Variants in DDX60L observed in about 807,000 individuals in gnomAD.
The protein encoded by DDX60L is DExD/H-box 60 like.
Under a neutral mutation model 211.6 loss-of-function variants are expected in DDX60L, and 191 were observed. That is an observed-to-expected ratio of 0.90 (90% CI 0.80 to 1.02). The LOEUF (loss-of-function observed/expected upper bound fraction) is 1.02. Ranked by LOEUF, DDX60L falls within the 50% of genes least tolerant of loss-of-function variation. The pLI, the probability that DDX60L is intolerant of heterozygous loss-of-function variation, is 0.00. For synonymous variants in DDX60L, 706 were observed against 694.1 expected (o/e 1.02, Z -0.27); for missense variants, 2,007 against 1,984.1 (o/e 1.01, Z -0.22).
intron 10 of DDX60L, among the ~76,000 whole-genome samples, chr4:168,438,497 AG>A (rs778550172): frequency 2.6e-5 from 4 of 152,224 alleles, no homozygotes; most frequent in Non-Finnish European, 5.9e-5. Context: ...CACCCATATT[AG>A]CTAAGAATAA....
Position 168,405,991 on chromosome 4 carries a change from C to A in DDX60L, c.3172G>T (p.Ala1058Ser), listed in dbSNP as rs751448527. Residue 1058 changes from alanine (A) to serine (S), a missense_variant, in exon 24 of 38, where the codon GCA (alanine) becomes TCA (serine). Physicochemically the swap from Ala to Ser is moderately conservative, Grantham distance 99. Transcript: ENST00000682922. ...DARKYEENLK[A>S]ELTNWIKNGQ... Reference sequence around the variant, plus strand: ...TTTTTAATCCAATTTGTCAATTCTGCCTTTAAGTTTTCTTCATATTTTCTA... The same window carrying A: ...TTTTTAATCCAATTTGTCAATTCTGACTTTAAGTTTTCTTCATATTTTCTA... 2 of 1,596,326 alleles carry A rather than the reference C, an allele frequency of 1.3e-6. No homozygotes were observed. The highest frequency in any genetic ancestry group is 2.7e-5 in the African/African-American group (2 of 74,360).
chr4:168,397,017 T>TTCGTCTTCGG (rs1178819529), intron 26 of DDX60L, among the ~76,000 whole-genome samples: 5 of 152,160 alleles, frequency 3.3e-5, no homozygotes, highest in African/African-American at 1.2e-4. Flanking sequence ...AGACAGAGTT[T>TTCGTCTTCGG]TCATGAATGG....
chr4:168,382,070 A>T (rs908638989), intron 30 of DDX60L, among the ~76,000 whole-genome samples: 1 of 152,176 alleles, frequency 6.6e-6, no homozygotes, highest in Non-Finnish European at 1.5e-5. Flanking sequence ...GGCAAGTGGA[A>T]TCTGACGTAA....
intron 17 of DDX60L, among the ~76,000 whole-genome samples, chr4:168,420,802 G>A (rs963302250): frequency 6.6e-6 from 1 of 152,090 alleles, no homozygotes; most frequent in African/African-American, 2.4e-5. Flanking sequence ...TGCTCTGCCT[G>A]GGATCCTCCT....
In DDX60L at chr4:168,424,311, C is replaced by T. The variant is rs145422467; in HGVS notation, c.1931-537G>A. Among the ~76,000 whole-genome samples the T allele has an allele frequency of 1.1e-3, 169 of 152,286 alleles. 6 individuals carry two copies. In the East Asian group the frequency reaches 0.031, roughly 28 times the overall value. ...CCTCACTGCATCCCAATCATTCTAT[C>T]CAGACTCTCCTAAGCCCTTCTATTA... is the stretch of plus-strand genomic sequence containing the variant. On this transcript the variant is annotated intron_variant, in intron 14 of 37. Transcript: ENST00000682922.
chr4:168,450,632 TTGGCTAGGTACCA>T (rs1333001556), intron 8 of DDX60L, among the ~76,000 whole-genome samples: 1 of 152,204 alleles, frequency 6.6e-6, no homozygotes, highest in Non-Finnish European at 1.5e-5. Context: ...ATAATTAGCC[TTGGCTAGGTACCA>T]TGGCTTATGC....
chr4:168,359,652 T>C (rs1237345220), intron 37 of DDX60L, among the ~76,000 whole-genome samples: 1 of 152,226 alleles, frequency 6.6e-6, no homozygotes, highest in Non-Finnish European at 1.5e-5. Flanking sequence ...CTCTAAAACA[T>C]AGATCTATGT....
intron 8 of DDX60L, among the ~76,000 whole-genome samples, chr4:168,450,201 T>C (rs1356133287): frequency 1.3e-5 from 2 of 152,106 alleles, no homozygotes; most frequent in African/African-American, 4.8e-5. Context: ...CCTAAGCCAG[T>C]ACTTGAGATA....
Position 168,421,819 on chromosome 4 carries a change from T to C in DDX60L, c.2335A>G (p.Met779Val). The change falls in exon 17 of 38, where the codon ATG becomes GTG. Residue 779 changes from methionine (M) to valine (V), a missense_variant. Transcript: ENST00000682922. ...TCGCTCTCCCTCAGCACTTTCTCCA[T>C]GCAGTAGTAGGAAGCATAGGTTTTG... is the stretch of plus-strand genomic sequence containing the variant. The part of the protein sequence containing the change: ...SGKTYASYYC[M>V]EKVLRESDVG... 1 of 1,614,210 alleles carries C rather than the reference T, an allele frequency of 6.2e-7. No individual in the cohort carries two copies. Among genetic ancestry groups the C allele is most frequent in the Non-Finnish European group, 8.5e-7 (1 of 1,180,038 alleles).
rs769937004 is a variant in DDX60L, at chr4:168,384,802, C to T, written c.3926G>A (p.Arg1309His). The part of the protein sequence containing the change: ...DALNYRQMSG[R>H]AGRRGQDLLG... Reference sequence around the variant, plus strand: ...CAGGTCTTGACCTCTTCTTCCAGCACGACCAGACATCTGGAAGCAGCAAAG... The same window carrying T: ...CAGGTCTTGACCTCTTCTTCCAGCATGACCAGACATCTGGAAGCAGCAAAG... The change falls in exon 30 of 38, where the codon CGT becomes CAT. Residue 1309 changes from arginine to histidine, a missense_variant. Transcript: ENST00000682922. The T allele has an allele frequency of 6.8e-6, 11 of 1,612,506 alleles. No homozygotes were observed. The highest frequency in any genetic ancestry group is 6.7e-5 in the African/African-American group (5 of 74,906).
At chr4:168,411,419 G>C (rs1748656523) in intron 22 of DDX60L, among the ~76,000 whole-genome samples, 1 of 152,200 alleles carries the variant, frequency 6.6e-6, no homozygotes, top group Non-Finnish European at 1.5e-5. Flanking sequence ...TTGGAAGAGG[G>C]AAAGCATGGT....
intron 13 of DDX60L, among the ~76,000 whole-genome samples, chr4:168,428,434 G>C (rs528871150): frequency 5.3e-5 from 8 of 152,162 alleles, no homozygotes; most frequent in Non-Finnish European, 1.0e-4. Flanking sequence ...GCAAGGAAAA[G>C]GAAGACTCTA....
chr4:168,415,473 A>G lies in DDX60L; in HGVS notation c.2914T>C (p.Ser972Pro), dbSNP rs1489405482. The change falls in exon 22 of 38, where the codon TCA becomes CCA. Residue 972 changes from serine (S) to proline (P), a missense_variant. Ser to Pro is a moderately conservative substitution (Grantham distance 74). Transcript: ENST00000682922. The part of the protein sequence containing the change: ...RYNDLEKHIC[S>P]VKHDDVYFDH... ...AAATAAACATCATCATGTTTTACTG[A>G]ACATATATGCTTCTCTAAATCATTG... 2 of 1,606,182 alleles carry G rather than the reference A, an allele frequency of 1.2e-6. No individual in the cohort carries two copies.
intron 5 of DDX60L, 58 bp downstream of exon 5, chr4:168,461,641 T>C: frequency 8.3e-7 from 1 of 1,206,048 alleles, no homozygotes; most frequent in South Asian, 1.6e-5. Context: ...ATTGAGTTAG[T>C]GATTTTGAGA....
chr4:168,436,867 T>A (rs1488218779), intron 10 of DDX60L, among the ~76,000 whole-genome samples: 1 of 152,184 alleles, frequency 6.6e-6, no homozygotes, highest in Non-Finnish European at 1.5e-5. Flanking sequence ...CATTTTGAGC[T>A]CCTTGTACCT....
chr4:168,394,432 C>A, intron 28 of DDX60L, 33 bp downstream of exon 28: 1 of 1,552,502 alleles, frequency 6.4e-7, no homozygotes, highest in Non-Finnish European at 8.7e-7. Flanking sequence ...ATATGCACAA[C>A]TTTATTTTTT....
intron 29 of DDX60L, among the ~76,000 whole-genome samples, chr4:168,389,521 A>T (rs10032683): frequency 0.032 from 4,895 of 152,280 alleles, 263 homozygotes; most frequent in African/African-American, 0.11. Context: ...AGAAGGAAGG[A>T]AGGTGCATAG....
rs868509917 is a variant in DDX60L, at chr4:168,371,915, T to C, written c.4777-152A>G. On this transcript the variant is annotated intron_variant, in intron 35 of 37. Coordinates refer to ENST00000682922, the MANE Select transcript of DDX60L (RefSeq NM_001012967.3). ...AGGCAGAGGGGGATTCCCATGGGGG[T>C]TGAGGGAAATAGGGCCCATTACAGT... 8.6e-5 allele frequency among the ~76,000 whole-genome samples: 13 copies of C among 150,708 alleles called. 1 individual carries two copies. The highest frequency in any genetic ancestry group is 4.0e-4 in the Admixed American group (6 of 15,128).
chr4:168,467,514 G>C (rs1382128030), intron 4 of DDX60L, among the ~76,000 whole-genome samples: 1 of 146,974 alleles, frequency 6.8e-6, no homozygotes, highest in Non-Finnish European at 1.5e-5. Context: ...TAGGCAATAA[G>C]AGGAAAATAA....
Sources: allele counts gnomAD v4.1 joint callset (sites outside exome capture counted in the v4.1 genomes callset), GRCh38; gene constraint gnomAD v4.1.1; transcripts MANE v1.5; gene names NCBI Gene and HGNC (gene_info 2026-07-23, HGNC 2026-07-21).